Variants in FSTL5 observed in about 807,000 individuals in gnomAD.
FSTL5 encodes follistatin like 5, also known as follistatin-related protein 5.
Under a neutral mutation model 89.1 loss-of-function variants are expected in FSTL5, and 62 were observed. The observed-to-expected ratio is 0.70, with a 90% confidence interval of 0.57 to 0.86. FSTL5 has a LOEUF of 0.86. Ranked by LOEUF, FSTL5 falls within the 40% of genes least tolerant of loss-of-function variation. FSTL5 has a pLI of 0.00. For synonymous variants in FSTL5, 383 were observed against 346.2 expected (o/e 1.11, Z -1.18); for missense variants, 1,057 against 1,001.6 (o/e 1.06, Z -0.75).
intron 4 of FSTL5, among the ~76,000 whole-genome samples, chr4:161,878,464 C>T (rs1305014179): frequency 1.8e-4 from 28 of 151,622 alleles, no homozygotes; most frequent in African/African-American, 1.5e-4. Context: ...CATATAATAC[C>T]GCAGATCAGA....
intron 8 of FSTL5, among the ~76,000 whole-genome samples, chr4:161,567,079 CA>C (rs1309026322): frequency 6.6e-6 from 1 of 151,994 alleles, no homozygotes; most frequent in Non-Finnish European, 1.5e-5. Context: ...TAATTCCAGT[CA>C]TAACTTGTGA....
At chr4:161,388,312 T>C (rs1490382093) in intron 15 of FSTL5, 1 of 152,074 alleles carries the variant, frequency 6.6e-6, no homozygotes, top group Non-Finnish European at 1.5e-5. Context: ...GTCTTGATTA[T>C]GATGGTATGA....
At chr4:161,452,359 C>A (rs1424078792) in intron 15 of FSTL5, among the ~76,000 whole-genome samples, 2 of 151,906 alleles carry the variant, frequency 1.3e-5, no homozygotes, top group Admixed American at 6.6e-5. Context: ...TCCTGTAATC[C>A]CAGCTGCTAG....
At chr4:161,538,787 A>G (rs1731722181) in intron 9 of FSTL5, among the ~76,000 whole-genome samples, 1 of 152,088 alleles carries the variant, frequency 6.6e-6, no homozygotes, top group Non-Finnish European at 1.5e-5. Flanking sequence ...ATTGTGAGAC[A>G]GAATCTCATT....
intron 1 of FSTL5, among the ~76,000 whole-genome samples, chr4:162,153,661 A>ATGTATATTATATATGTATATAATAAT (rs1733323447): frequency 1.3e-5 from 1 of 79,092 alleles, no homozygotes; most frequent in South Asian, 3.7e-4. Context: ...ATATGTATAT[A>ATGTATATTATATATGTATATAATAAT]ATATATGTAT....
intron 15 of FSTL5, among the ~76,000 whole-genome samples, chr4:161,438,811 A>C (rs1436304007): frequency 6.6e-6 from 1 of 152,166 alleles, no homozygotes; most frequent in Non-Finnish European, 1.5e-5. Flanking sequence ...TAAAGAGATA[A>C]GCAATATAAT....
intron 6 of FSTL5, among the ~76,000 whole-genome samples, chr4:161,695,422 TAC>T (rs1164267197): frequency 1.1e-5 from 1 of 88,146 alleles, no homozygotes; most frequent in Non-Finnish European, 2.3e-5. Context: ...TTCCATGGTG[TAC>T]GTGTGTGTGT....
intron 4 of FSTL5, among the ~76,000 whole-genome samples, chr4:161,919,976 A>T (rs1001071316): frequency 6.6e-6 from 1 of 152,220 alleles, no homozygotes; most frequent in Non-Finnish European, 1.5e-5. Context: ...AATTTGAATT[A>T]TGTGGTGCAA....
At chr4:161,711,299 G>T (rs550919496) in intron 6 of FSTL5, among the ~76,000 whole-genome samples, 2 of 151,860 alleles carry the variant, frequency 1.3e-5, no homozygotes, top group African/African-American at 2.4e-5. Context: ...AAGAGAAAAG[G>T]CTCAAGCTAC....
chr4:161,556,262 A>T (rs1732387926), intron 8 of FSTL5, among the ~76,000 whole-genome samples: 1 of 151,644 alleles, frequency 6.6e-6, no homozygotes, highest in South Asian at 2.1e-4. Context: ...GGGCTTAAAC[A>T]TAAAGAAAAC....
chr4:161,479,462 G>T (rs1729423273), intron 13 of FSTL5, among the ~76,000 whole-genome samples: 2 of 152,002 alleles, frequency 1.3e-5, no homozygotes, highest in African/African-American at 2.4e-5. Flanking sequence ...TTAAAAACCA[G>T]CCTGGTTATT....
intron 2 of FSTL5, among the ~76,000 whole-genome samples, chr4:162,071,820 G>A (rs1729636483): frequency 6.6e-6 from 1 of 151,580 alleles, no homozygotes; most frequent in East Asian, 1.9e-4. Context: ...AATAAAGCTA[G>A]AAATCAATAA....
At chr4:161,736,865 C>T (rs745513539) in intron 6 of FSTL5, among the ~76,000 whole-genome samples, 1 of 151,938 alleles carries the variant, frequency 6.6e-6, no homozygotes, top group Non-Finnish European at 1.5e-5. Context: ...ACTACTACTC[C>T]TGGAAATTGT....
chr4:162,115,783 AT>A (rs1331087461), intron 1 of FSTL5, among the ~76,000 whole-genome samples: 2 of 152,132 alleles, frequency 1.3e-5, no homozygotes, highest in Non-Finnish European at 2.9e-5. Context: ...GAATCAAGCC[AT>A]TTTTATTTTC....
intron 2 of FSTL5, among the ~76,000 whole-genome samples, chr4:162,037,068 A>G (rs1737768712): frequency 6.6e-6 from 1 of 151,870 alleles, no homozygotes; most frequent in Non-Finnish European, 1.5e-5. Flanking sequence ...ATTATTATTT[A>G]TATCACTGAG....
chr4:161,942,884 A>G (rs1734627857), intron 3 of FSTL5, among the ~76,000 whole-genome samples: 1 of 152,134 alleles, frequency 6.6e-6, no homozygotes, highest in African/African-American at 2.4e-5. Flanking sequence ...AAGAAGTAAA[A>G]CTGTCATTAT....
intron 8 of FSTL5, among the ~76,000 whole-genome samples, chr4:161,573,572 A>G (rs1310054805): frequency 2.0e-4 from 30 of 151,240 alleles, no homozygotes; most frequent in Admixed American, 1.5e-3. Context: ...CGTCTCTAGT[A>G]AAAGTACAAA....
At chr4:162,108,531 T>A (rs1030777975) in intron 2 of FSTL5, among the ~76,000 whole-genome samples, 2 of 151,892 alleles carry the variant, frequency 1.3e-5, no homozygotes, top group African/African-American at 4.8e-5. Flanking sequence ...ACTTTTCTAG[T>A]CAATAAGTAA....
At chr4:161,829,261 A>G (rs1730768062) in intron 4 of FSTL5, among the ~76,000 whole-genome samples, 1 of 150,434 alleles carries the variant, frequency 6.6e-6, no homozygotes, top group South Asian at 2.1e-4. Flanking sequence ...ATTCCAGAGG[A>G]AAAGCTCTTA....
Sources: gnomAD v4.1 joint callset for allele counts (sites outside exome capture counted in the v4.1 genomes callset) on GRCh38, gnomAD v4.1.1 for gene constraint, MANE v1.5 for transcripts, NCBI Gene and HGNC (gene_info 2026-07-23, HGNC 2026-07-21) for gene names.